Variants in AGBL1 observed in about 807,000 individuals in gnomAD.
AGBL1 encodes AGBL carboxypeptidase 1.
AGBL1 carries 130 observed loss-of-function variants against 118.9 expected under a neutral mutation model. The ratio of observed to expected loss-of-function variants is 1.09; its 90% CI spans 0.95 to 1.26. AGBL1 has a LOEUF of 1.26. Ranked by LOEUF, AGBL1 falls within the 50% of genes most tolerant of loss-of-function variation. The pLI is 0.00. For missense variants in AGBL1, 1,584 were observed against 1,298.1 expected, an observed-to-expected ratio of 1.22 and a Z score of -3.38; for synonymous variants, 555 against 478.9, an observed-to-expected ratio of 1.16 and a Z score of -2.08.
chr15:86,142,139 C>T (rs780364307), intron 2 of AGBL1, 72 bp downstream of exon 2: 30 of 1,426,470 alleles, frequency 2.1e-5, no homozygotes, highest in South Asian at 2.5e-5. Flanking sequence ...CTCCCAGGCA[C>T]CTCTGTGACC....
intron 22 of AGBL1, among the ~76,000 whole-genome samples, chr15:86,850,115 A>T (rs979816068): frequency 1.3e-5 from 2 of 152,188 alleles, no homozygotes; most frequent in African/African-American, 2.4e-5. Flanking sequence ...GGAAATGATA[A>T]GAGAACTCTG....
chr15:86,841,243 G>A (rs1433267626), intron 22 of AGBL1, among the ~76,000 whole-genome samples: 2 of 152,110 alleles, frequency 1.3e-5, no homozygotes, highest in South Asian at 2.1e-4. Flanking sequence ...GACCACCCAG[G>A]CATGTATCAT....
chr15:86,214,038 A>G (rs1178168980), intron 5 of AGBL1, among the ~76,000 whole-genome samples: 1 of 152,194 alleles, frequency 6.6e-6, no homozygotes, highest in Non-Finnish European at 1.5e-5. Flanking sequence ...TGTATGAATG[A>G]CAACGTTTTG....
intron 18 of AGBL1, among the ~76,000 whole-genome samples, chr15:86,448,597 A>C (rs16977264): frequency 0.011 from 1,612 of 152,342 alleles, 14 homozygotes; most frequent in Non-Finnish European, 0.015. Context: ...AGTTGTGTCT[A>C]GAGTGTCTTA....
chr15:86,680,590 TGGG>T (rs1210689808), intron 22 of AGBL1, among the ~76,000 whole-genome samples: 2 of 125,880 alleles, frequency 1.6e-5, no homozygotes, highest in Admixed American at 8.4e-5. Flanking sequence ...TTTTTTGAGA[TGGG>T]GGTCTCTCTG....
intron 18 of AGBL1, among the ~76,000 whole-genome samples, chr15:86,512,897 C>T (rs1195040676): frequency 6.6e-6 from 1 of 150,628 alleles, no homozygotes; most frequent in Non-Finnish European, 1.5e-5. Context: ...TTGAGTTTTT[C>T]CAGTTATTAT....
chr15:86,341,812 A>G lies in AGBL1; in HGVS notation c.2374+46404A>G, dbSNP rs117716256. On this transcript the variant is annotated intron_variant, in intron 17 of 22. Transcript: ENST00000614907. ...TTGTCCTTCCTTGTTACTTGTGAGT[A>G]GGCCACTTGAGTCATTGCTTTAAGG... Among the ~76,000 whole-genome samples, 3 of 152,278 alleles carry G rather than the reference A, an allele frequency of 2.0e-5. No homozygotes were observed. In the East Asian group the frequency reaches 5.8e-4, roughly 29 times the overall value.
chr15:86,736,722 G>T (rs1218584965), intron 22 of AGBL1, among the ~76,000 whole-genome samples: 1 of 152,118 alleles, frequency 6.6e-6, no homozygotes, highest in Non-Finnish European at 1.5e-5. Flanking sequence ...AGTCTCCATG[G>T]GGATAAGGAC....
intron 18 of AGBL1, among the ~76,000 whole-genome samples, chr15:86,469,843 T>C (rs2082456287): frequency 6.6e-6 from 1 of 152,208 alleles, no homozygotes; most frequent in African/African-American, 2.4e-5. Context: ...GTTGAACTTT[T>C]TTTTATCTAT....
intron 17 of AGBL1, among the ~76,000 whole-genome samples, chr15:86,381,012 A>G (rs2081107209): frequency 6.6e-6 from 1 of 152,194 alleles, no homozygotes; most frequent in Non-Finnish European, 1.5e-5. Flanking sequence ...TGAATTAAAC[A>G]CATATACTCA....
chr15:86,310,654 C>T (rs1213384548), intron 17 of AGBL1, among the ~76,000 whole-genome samples: 3 of 152,042 alleles, frequency 2.0e-5, no homozygotes, highest in Non-Finnish European at 4.4e-5. Context: ...TGAACGAGCA[C>T]CTCTACTGAG....
At chr15:86,616,374 G>GAAAAAAAAAAAAAAA (rs2084725990) in intron 21 of AGBL1, among the ~76,000 whole-genome samples, 1 of 142,392 alleles carries the variant, frequency 7.0e-6, no homozygotes, top group African/African-American at 2.8e-5. Context: ...AAAAAAAAAT[G>GAAAAAAAAAAAAAAA]AAGATGGAAA....
intron 22 of AGBL1, among the ~76,000 whole-genome samples, chr15:86,778,729 C>T (rs2078292734): frequency 6.6e-6 from 1 of 152,228 alleles, no homozygotes; most frequent in Non-Finnish European, 1.5e-5. Flanking sequence ...GCTCTACAAA[C>T]AATTTGTGCA....
intron 18 of AGBL1, among the ~76,000 whole-genome samples, chr15:86,471,399 T>C (rs1417953324): frequency 6.6e-6 from 1 of 152,196 alleles, no homozygotes; most frequent in Non-Finnish European, 1.5e-5. Flanking sequence ...CAAATTCCAC[T>C]TGATCTCAGT....
chr15:86,542,833 A>T (rs191466578), intron 19 of AGBL1, among the ~76,000 whole-genome samples: 1 of 152,296 alleles, frequency 6.6e-6, no homozygotes, highest in East Asian at 1.9e-4. Flanking sequence ...TAATTAATAT[A>T]GCTACTCTAG....
At chr15:86,949,516 C>T (rs1034527277) in intron 23 of AGBL1, among the ~76,000 whole-genome samples, 24 of 151,896 alleles carry the variant, frequency 1.6e-4, no homozygotes, top group African/African-American at 5.8e-4. Context: ...TTCAGGCTGT[C>T]AAATAATCAA....
At chr15:86,828,511 G>A (rs2079062629) in intron 22 of AGBL1, among the ~76,000 whole-genome samples, 1 of 152,110 alleles carries the variant, frequency 6.6e-6, no homozygotes, top group African/African-American at 2.4e-5. Flanking sequence ...GTGACAGGAG[G>A]AGAGACTGTA....
At position 86,352,021 on chromosome 15, in the gene AGBL1, C is replaced by A. The variant is rs1361077938; in HGVS notation, c.2375-45345C>A. ...TCCTGTGAGAAGTGCTGCCCAATGC[C>A]TGAACAACATTACGGACACTGGGGG... is the stretch of plus-strand genomic sequence containing the variant. On this transcript the variant is annotated intron_variant, in intron 17 of 22. Transcript: ENST00000614907. 2.6e-5 allele frequency among the ~76,000 whole-genome samples: 4 copies of A among 152,274 alleles called. No individual in the cohort carries two copies. In the South Asian group the frequency reaches 8.3e-4, roughly 32 times the overall value.
chr15:86,554,319 C>A (rs757537381), intron 20 of AGBL1, 42 bp from the exon 21 acceptor site: 1 of 1,465,414 alleles, frequency 6.8e-7, no homozygotes, highest in Non-Finnish European at 9.2e-7. Flanking sequence ...TATCCCTAGT[C>A]ACCCACAACT....
Sources: allele counts gnomAD v4.1 joint callset (sites outside exome capture counted in the v4.1 genomes callset), GRCh38; gene constraint gnomAD v4.1.1; transcripts MANE v1.5; gene names NCBI Gene and HGNC (gene_info 2026-07-23, HGNC 2026-07-21).